Variants in ABCB1 observed in about 807,000 individuals in gnomAD.
ABCB1 encodes the protein ATP-dependent translocase ABCB1.
Under a neutral mutation model 142.0 loss-of-function variants are expected in ABCB1, and 69 were observed. The observed-to-expected ratio is 0.49, with a 90% CI of 0.40 to 0.59. ABCB1 has a LOEUF of 0.59. ABCB1 is among the 20% of genes least tolerant of loss of function. ABCB1 has a pLI of 0.00. For missense variants in ABCB1, 1,326 were observed against 1,554.7 expected (o/e 0.85, Z 2.47); for synonymous variants, 532 against 539.2 (o/e 0.99, Z 0.18).
At chr7:87,559,122 T>C (rs1817439884) in intron 8 of ABCB1, among the ~76,000 whole-genome samples, 1 of 152,120 alleles carries the variant, frequency 6.6e-6, no homozygotes, top group Non-Finnish European at 1.5e-5. Context: ...TTCCATTTTC[T>C]ACAACAATTT....
chr7:87,570,906 A>G (rs1818021134), intron 4 of ABCB1, among the ~76,000 whole-genome samples: 1 of 152,158 alleles, frequency 6.6e-6, no homozygotes, highest in African/African-American at 2.4e-5. Flanking sequence ...GTCATAGTTT[A>G]CATTTAGTGG....
At chr7:87,624,985 G>A (rs1281846448) in intron 1 of ABCB1, among the ~76,000 whole-genome samples, 6 of 152,194 alleles carry the variant, frequency 3.9e-5, no homozygotes, top group Non-Finnish European at 5.9e-5. Context: ...GGCTGGGCGC[G>A]GCGGCTCACG....
At chr7:87,634,105 C>G (rs1211691528) in intron 1 of ABCB1, among the ~76,000 whole-genome samples, 1 of 152,072 alleles carries the variant, frequency 6.6e-6, no homozygotes, top group Non-Finnish European at 1.5e-5. Flanking sequence ...GGAACTGATC[C>G]ATTCTTCCTT....
intron 27 of ABCB1, among the ~76,000 whole-genome samples, chr7:87,504,666 T>A (rs546642204): frequency 2.6e-5 from 4 of 151,900 alleles, no homozygotes; most frequent in East Asian, 3.9e-4. Flanking sequence ...TTAGCTGGGC[T>A]TGGTGGTGGG....
At chr7:87,603,247 T>C (rs1217006899), upstream of ABCB1, 1 of 152,252 alleles carries the variant, frequency 6.6e-6, no homozygotes, top group African/African-American at 2.4e-5. Flanking sequence ...AGTCATTTAA[T>C]CTTTACAAGA....
intron 9 of ABCB1, among the ~76,000 whole-genome samples, chr7:87,552,619 C>T (rs1262475249): frequency 6.7e-6 from 1 of 150,354 alleles, no homozygotes; most frequent in Admixed American, 6.7e-5. Context: ...GTTATGACAA[C>T]CAAGGATCAC....
rs537003823 is a variant in ABCB1, at chr7:87,510,439, G to T, written c.3283-958C>A. On this transcript the variant is annotated intron_variant, in intron 25 of 27. Coordinates refer to ENST00000622132, the MANE Select transcript of ABCB1 (RefSeq NM_001348946.2). ...CTGGATTATCCTGCAGAAGACTGGG[G>T]AGGGCACCTTACAGCCTTGCTGATA... 5.3e-5 allele frequency among the ~76,000 whole-genome samples: 8 copies of T among 152,352 alleles called. No homozygotes were observed. The South Asian group carries it at 6.2e-4, about 12-fold the overall frequency.
chr7:87,608,347 T>C (rs2130040313), intron 1 of ABCB1, among the ~76,000 whole-genome samples: 1 of 152,360 alleles, frequency 6.6e-6, no homozygotes, highest in Admixed American at 6.5e-5. Context: ...ATGTTGTTAT[T>C]GTTAATAGAC....
At chr7:87,656,194 C>G (rs1824082853) in intron 1 of ABCB1, among the ~76,000 whole-genome samples, 2 of 151,812 alleles carry the variant, frequency 1.3e-5, no homozygotes, top group South Asian at 4.2e-4. Context: ...TTAGCCATTC[C>G]ATGATATATA....
intron 1 of ABCB1, among the ~76,000 whole-genome samples, chr7:87,696,277 AAAGG>A (rs774371043): frequency 1.3e-5 from 2 of 152,138 alleles, no homozygotes; most frequent in Non-Finnish European, 2.9e-5. Flanking sequence ...GGTTATTTTT[AAAGG>A]AAGTCAAAGT....
intron 1 of ABCB1, among the ~76,000 whole-genome samples, chr7:87,671,278 T>C (rs1015539103): frequency 2.3e-4 from 35 of 152,152 alleles, no homozygotes; most frequent in African/African-American, 8.0e-4. Context: ...ACTCTCTTAT[T>C]GGTCCGGCAA....
At chr7:87,594,383 A>G (rs117448677) in intron 3 of ABCB1, among the ~76,000 whole-genome samples, 4,570 of 152,242 alleles carry the variant, frequency 0.03, 65 homozygotes, top group Middle Eastern at 0.048. Context: ...TGCTATTACT[A>G]CTACCTCATA....
intron 1 of ABCB1, among the ~76,000 whole-genome samples, chr7:87,610,911 C>A (rs1192634200): frequency 6.6e-6 from 1 of 152,192 alleles, no homozygotes; most frequent in Non-Finnish European, 1.5e-5. Flanking sequence ...CTAGCATCCC[C>A]TTTTCCCTTA....
chr7:87,703,778 C>T (rs1489710815), intron 1 of ABCB1, among the ~76,000 whole-genome samples: 1 of 150,674 alleles, frequency 6.6e-6, no homozygotes, highest in Non-Finnish European at 1.5e-5. Context: ...CCTCAAACTA[C>T]TGAATTTTTA....
At position 87,629,410 on chromosome 7, in the gene ABCB1, T is replaced by C. The variant is rs73705280; in HGVS notation, c.-330-28332A>G. On this transcript the variant is annotated intron_variant, in intron 1 of 28. Transcript: ENST00000265724. ...TCAGCCATTTCATTTCACACGTTAG[T>C]TGAGTGCCTACTACATGCCAGCCAT... 476 of 153,312 alleles carry C rather than the reference T, an allele frequency of 3.1e-3. 3 individuals carry two copies. Among genetic ancestry groups the C allele is most frequent in the African/African-American group, 0.011 (446 of 41,640 alleles). 9.5% of individuals were successfully genotyped at this position (153,312 alleles called of 1,614,324 possible). A position where few individuals can be genotyped will look rare whatever the true frequency, so the allele number is the denominator to read the frequency against.
intron 14 of ABCB1, among the ~76,000 whole-genome samples, chr7:87,546,765 A>G (rs1816801600): frequency 6.6e-6 from 1 of 152,274 alleles, no homozygotes; most frequent in East Asian, 1.9e-4. Context: ...AATGTGAGGC[A>G]GCAAAGTCCA....
At chr7:87,616,192 A>T (rs1355882351) in intron 1 of ABCB1, among the ~76,000 whole-genome samples, 1 of 152,218 alleles carries the variant, frequency 6.6e-6, no homozygotes, top group Non-Finnish European at 1.5e-5. Context: ...GAATAATAAG[A>T]TATCTTAAAT....
chr7:87,547,609 C>T (rs1422685642), intron 14 of ABCB1, among the ~76,000 whole-genome samples: 4 of 151,934 alleles, frequency 2.6e-5, no homozygotes, highest in Non-Finnish European at 4.4e-5. Context: ...GTAGCTCACG[C>T]GTGTAATCCC....
chr7:87,522,748 C>CT (rs199705785), intron 21 of ABCB1, among the ~76,000 whole-genome samples: 32 of 150,280 alleles, frequency 2.1e-4, no homozygotes, highest in Non-Finnish European at 3.7e-4. Flanking sequence ...TAAATGTGTC[C>CT]TTTTTTTTAA....
Sources: gnomAD v4.1 joint callset for allele counts (sites outside exome capture counted in the v4.1 genomes callset) on GRCh38, gnomAD v4.1.1 for gene constraint, MANE v1.5 for transcripts, NCBI Gene and HGNC (gene_info 2026-07-23, HGNC 2026-07-21) for gene names.